SLC39A9: variants seen among roughly 807,000 people sequenced by gnomAD.
The protein encoded by SLC39A9 is solute carrier family 39 member 9.
In SLC39A9, 14 loss-of-function variants were observed where a neutral mutation model predicts 28.4. The observed-to-expected ratio is 0.49, with a 90% CI of 0.33 to 0.77. The LOEUF (loss-of-function observed/expected upper bound fraction) is 0.77, where lower values mean the gene tolerates loss of function less well. Ranked by LOEUF, SLC39A9 falls within the 30% of genes least tolerant of loss-of-function variation. The pLI is 0.02. For synonymous variants in SLC39A9, 119 were observed against 149.6 expected, an observed-to-expected ratio of 0.80 and a Z score of 1.49; for missense variants, 283 against 381.1, an observed-to-expected ratio of 0.74 and a Z score of 2.14.
Position 69,461,243 on chromosome 14 carries a change from G to A in SLC39A9, c.*2650G>A, listed in dbSNP as rs1484747144. 1 of 988,242 alleles carries A rather than the reference G, an allele frequency of 1.0e-6. No homozygotes were observed. Among genetic ancestry groups the A allele is most frequent in the African/African-American group, 1.7e-5 (1 of 57,268 alleles). 61.2% of individuals were successfully genotyped at this position (988,242 alleles called of 1,614,324 possible). On this transcript the variant is annotated 3_prime_UTR_variant, in exon 7 of 7. Transcript: ENST00000336643. ...GCAATTTGACTCCGTTTCCTTGGTA[G>A]GGATAGACTTTCTTCAGATTCCAAG...
At chr14:69,445,230 C>T (rs919762535) in intron 3 of SLC39A9, among the ~76,000 whole-genome samples, 3 of 151,982 alleles carry the variant, frequency 2.0e-5, no homozygotes, top group East Asian at 1.9e-4. Flanking sequence ...GGCTGCCTCT[C>T]CTGCCCCCCT....
intron 3 of SLC39A9, among the ~76,000 whole-genome samples, chr14:69,450,012 C>A (rs1043920302): frequency 6.6e-6 from 1 of 151,822 alleles, no homozygotes; most frequent in Non-Finnish European, 1.5e-5. Context: ...ATAGTGAAAC[C>A]CCGTCTCTAC....
At chr14:69,409,317 T>C (rs576305214) in intron 1 of SLC39A9, among the ~76,000 whole-genome samples, 1 of 152,214 alleles carries the variant, frequency 6.6e-6, no homozygotes, top group African/African-American at 2.4e-5. Context: ...CCTTTATTCT[T>C]AAAAACTTGT....
chr14:69,406,799 C>T (rs1882935942), intron 1 of SLC39A9, among the ~76,000 whole-genome samples: 1 of 146,846 alleles, frequency 6.8e-6, no homozygotes, highest in Admixed American at 6.8e-5. Context: ...CAGTTTTTAA[C>T]TTATTGAAAT....
intron 2 of SLC39A9, among the ~76,000 whole-genome samples, chr14:69,439,843 G>A (rs187589033): frequency 2.2e-4 from 33 of 152,260 alleles, no homozygotes; most frequent in African/African-American, 7.7e-4. Flanking sequence ...AGCTTCCTGA[G>A]ATCCTCAGAT....
rs182987958 is a variant in SLC39A9, at chr14:69,421,096, C to T, written c.97-2998C>T. Among the ~76,000 whole-genome samples the T allele has an allele frequency of 2.9e-3, 448 of 152,338 alleles. 3 individuals are homozygous for T. The highest frequency in any genetic ancestry group is 0.01 in the African/African-American group (436 of 41,572). On this transcript the variant is annotated intron_variant, in intron 1 of 6. Transcript: ENST00000336643. ...GTGCTCTGGTTTTTAGAATTTTCAG[C>T]TTTTCTGCTCTGGTTTCTCCCTGTA...
At chr14:69,439,266 G>A (rs911163845) in intron 2 of SLC39A9, among the ~76,000 whole-genome samples, 2 of 152,152 alleles carry the variant, frequency 1.3e-5, no homozygotes, top group African/African-American at 4.8e-5. Flanking sequence ...CACCAACATG[G>A]CACATGTATA....
chr14:69,461,763 G>T lies in SLC39A9; in HGVS notation c.*3170G>T. 3 of 1,533,672 alleles carry T rather than the reference G, an allele frequency of 2.0e-6. No individual in the cohort carries two copies. Among genetic ancestry groups the T allele is most frequent in the Non-Finnish European group, 2.6e-6 (3 of 1,145,424 alleles). On this transcript the variant is annotated 3_prime_UTR_variant, in exon 7 of 7. Coordinates refer to ENST00000336643, the MANE Select transcript of SLC39A9 (RefSeq NM_018375.5). ...GCCCCTGAAACACATGGTAGCTAGG[G>T]ACTGAACACAGGAACCGTATGACAG...
intron 1 of SLC39A9, among the ~76,000 whole-genome samples, chr14:69,406,453 T>G (rs183273361): frequency 6.8e-4 from 103 of 152,316 alleles, no homozygotes; most frequent in African/African-American, 2.5e-3. Flanking sequence ...TATGATAGTC[T>G]TAACCTCTCC....
At chr14:69,403,105 T>A (rs941190776) in intron 1 of SLC39A9, among the ~76,000 whole-genome samples, 4 of 151,644 alleles carry the variant, frequency 2.6e-5, no homozygotes, top group African/African-American at 9.7e-5. Context: ...AATAAATAAA[T>A]AAAAATAAAT....
At chr14:69,404,443 T>C (rs1321283945) in intron 1 of SLC39A9, among the ~76,000 whole-genome samples, 1 of 152,220 alleles carries the variant, frequency 6.6e-6, no homozygotes, top group African/African-American at 2.4e-5. Context: ...TGAAATAATA[T>C]AAGCACAGGC....
Position 69,461,821 on chromosome 14 carries a change from G to A in SLC39A9, c.*3228G>A. 7.1e-7 allele frequency: 1 copy of A among 1,417,712 alleles called. No individual in the cohort carries two copies. 87.8% of individuals were successfully genotyped at this position (1,417,712 alleles called of 1,614,324 possible). On this transcript the variant is annotated 3_prime_UTR_variant, in exon 7 of 7. Transcript: ENST00000336643. ...AACCCCCAAAGGATGTTCCTGCCTT[G>A]TGGGCCCCTGAGCCCCTTGGGAGAC...
At chr14:69,441,829 C>T in intron 2 of SLC39A9, 1 of 1,224,572 alleles carries the variant, frequency 8.2e-7, no homozygotes, top group African/African-American at 1.6e-5. Flanking sequence ...TTCCACTTCC[C>T]AGGTGTTGAG....
chr14:69,416,069 C>T (rs1226719728), intron 1 of SLC39A9, among the ~76,000 whole-genome samples: 2 of 152,046 alleles, frequency 1.3e-5, no homozygotes, highest in Admixed American at 6.6e-5. Flanking sequence ...ATCCCTCCCC[C>T]AGCCCCCACC....
At chr14:69,427,177 A>T (rs1441172398) in intron 2 of SLC39A9, among the ~76,000 whole-genome samples, 1 of 151,382 alleles carries the variant, frequency 6.6e-6, no homozygotes. Context: ...TAATTTTCAG[A>T]TTTTTTTATG....
chr14:69,434,122 T>C (rs1884629004), intron 2 of SLC39A9, among the ~76,000 whole-genome samples: 1 of 149,832 alleles, frequency 6.7e-6, no homozygotes, highest in Non-Finnish European at 1.5e-5. Flanking sequence ...CTTGCTCTGT[T>C]GCCCAGACTG....
In SLC39A9 at chr14:69,458,689, C is replaced by T; in HGVS notation, c.*96C>T. 1 of 1,453,616 alleles carries T rather than the reference C, an allele frequency of 6.9e-7. No individual in the cohort carries two copies. The highest frequency in any genetic ancestry group is 9.1e-7 in the Non-Finnish European group (1 of 1,102,480). The allele number at this position is 1,453,616 out of a possible 1,614,324, so 90.0% of individuals were successfully genotyped here. On this transcript the variant is annotated 3_prime_UTR_variant, in exon 7 of 7. Transcript: ENST00000336643. The stretch of plus-strand genomic sequence containing the variant: ...TCACTTCCTCAGTCTCTTGTCTCAC[C>T]TTGCGCATCTCTACATGTATTCCTA...
At chr14:69,400,364 G>C (rs1882565005) in intron 1 of SLC39A9, among the ~76,000 whole-genome samples, 1 of 152,202 alleles carries the variant, frequency 6.6e-6, no homozygotes, top group South Asian at 2.1e-4. Flanking sequence ...TTGAACAGAT[G>C]TTAAGCGAGG....
At chr14:69,408,576 C>T (rs576446918) in intron 1 of SLC39A9, among the ~76,000 whole-genome samples, 13 of 152,252 alleles carry the variant, frequency 8.5e-5, no homozygotes, top group South Asian at 4.1e-4. Context: ...TTTGATGACA[C>T]CAAATCTTCC....
Sources: allele counts gnomAD v4.1 joint callset (sites outside exome capture counted in the v4.1 genomes callset), GRCh38; gene constraint gnomAD v4.1.1; transcripts MANE v1.5; gene names NCBI Gene and HGNC (gene_info 2026-07-23, HGNC 2026-07-21).